Variants in SLC24A2 observed in about 807,000 individuals in gnomAD.
The protein encoded by SLC24A2 is sodium/potassium/calcium exchanger 2.
SLC24A2 carries 36 observed loss-of-function variants against 62.0 expected under a neutral mutation model. The observed-to-expected ratio is 0.58, with a 90% CI of 0.44 to 0.77. The LOEUF (loss-of-function observed/expected upper bound fraction) is 0.77, where lower values mean the gene tolerates loss of function less well. SLC24A2 is among the 30% of genes least tolerant of loss of function. The pLI, the probability that SLC24A2 is intolerant of heterozygous loss-of-function variation, is 0.00. For missense variants in SLC24A2, 846 were observed against 817.9 expected, an observed-to-expected ratio of 1.03 and a Z score of -0.42; for synonymous variants, 358 against 294.0, an observed-to-expected ratio of 1.22 and a Z score of -2.23.
chr9:20,125,529 T>C, the SLC24A2 span, among the ~76,000 whole-genome samples: 1 of 152,172 alleles, frequency 6.6e-6, no homozygotes, highest in South Asian at 2.1e-4. Context: ...ACAAATTTTA[T>C]AGTACAGGGT....
chr9:19,528,159 G>T, intron 8 of SLC24A2, 21 bp from the exon 9 acceptor site: 1 of 1,481,744 alleles, frequency 6.7e-7, no homozygotes, highest in Non-Finnish European at 9.3e-7. Context: ...ACCAGGAAGA[G>T]TTGAGAATAT....
At chr9:19,526,359 T>C (rs957512500) in intron 9 of SLC24A2, among the ~76,000 whole-genome samples, 1 of 152,240 alleles carries the variant, frequency 6.6e-6, no homozygotes, top group Non-Finnish European at 1.5e-5. Context: ...CTCTTAAGCC[T>C]ATTCCTAGGA....
At chr9:19,994,591 A>C in the SLC24A2 span, among the ~76,000 whole-genome samples, 1 of 152,180 alleles carries the variant, frequency 6.6e-6, no homozygotes, top group African/African-American at 2.4e-5. Flanking sequence ...AGCATCACTT[A>C]CCACTCTCAG....
the SLC24A2 span, among the ~76,000 whole-genome samples, chr9:20,291,941 G>C: frequency 6.6e-6 from 1 of 152,130 alleles, no homozygotes; most frequent in Non-Finnish European, 1.5e-5. Context: ...GGAGTGAAGG[G>C]GGCAGGAAGG....
chr9:19,843,078 A>G, the SLC24A2 span, among the ~76,000 whole-genome samples: 33 of 152,314 alleles, frequency 2.2e-4, no homozygotes, highest in African/African-American at 6.3e-4. Flanking sequence ...TCCATGAACA[A>G]TGCTGTCATC....
chr9:19,752,105 C>A lies in SLC24A2; in HGVS notation c.930+33832G>T, dbSNP rs569704332. 4.6e-5 allele frequency among the ~76,000 whole-genome samples: 7 copies of A among 152,190 alleles called. No homozygotes were observed. The South Asian group carries it at 1.2e-3, about 27-fold the overall frequency. On this transcript the variant is annotated intron_variant, in intron 2 of 10. Coordinates refer to ENST00000341998, the MANE Select transcript of SLC24A2 (RefSeq NM_020344.4). ...AAAATGTTCATTTGATGAGTGCTTG[C>A]GACACGTTTGCTTATGTGTCATCAG...
rs773995556 is a variant in SLC24A2, at chr9:19,573,345, C to G, written c.1347+6G>C. 6.3e-7 allele frequency: 1 copy of G among 1,577,008 alleles called. No individual in the cohort carries two copies. Among genetic ancestry groups the G allele is most frequent in the Admixed American group, 1.7e-5 (1 of 59,970 alleles). ...AGCCCAGAAGAGCAATGGAGAAAAG[C>G]CATACCTGGGCTTCTGCACCTTCAA... On this transcript the variant is annotated splice_donor_region_variant and intron_variant, in intron 7 of 10. Transcript: ENST00000341998.
the SLC24A2 span, among the ~76,000 whole-genome samples, chr9:20,075,264 T>C: frequency 6.6e-6 from 1 of 152,132 alleles, no homozygotes; most frequent in Non-Finnish European, 1.5e-5. Flanking sequence ...GTTGAGTGCT[T>C]TACATATTTT....
chr9:19,662,694 TG>T, intron 2 of SLC24A2, among the ~76,000 whole-genome samples: 1 of 152,316 alleles, frequency 6.6e-6, no homozygotes, highest in Non-Finnish European at 1.5e-5. Context: ...TACCTGTGCC[TG>T]GAATGTTCTT....
At chr9:20,256,615 A>T in the SLC24A2 span, among the ~76,000 whole-genome samples, 1 of 152,138 alleles carries the variant, frequency 6.6e-6, no homozygotes, top group Non-Finnish European at 1.5e-5. Context: ...ATGCTCTGCC[A>T]TCAAGCATTA....
At chr9:19,605,509 T>C (rs1369430785) in intron 4 of SLC24A2, among the ~76,000 whole-genome samples, 1 of 152,230 alleles carries the variant, frequency 6.6e-6, no homozygotes, top group African/African-American at 2.4e-5. Context: ...AATGAGAAGC[T>C]GATGAATAGA....
the SLC24A2 span, among the ~76,000 whole-genome samples, chr9:19,852,812 G>A: frequency 1.2e-3 from 168 of 142,054 alleles, 1 homozygote; most frequent in African/African-American, 4.1e-3. Flanking sequence ...CTCTTTTTTG[G>A]TTCCATATGA....
the SLC24A2 span, among the ~76,000 whole-genome samples, chr9:20,193,754 A>G: frequency 2.6e-5 from 4 of 152,138 alleles, no homozygotes; most frequent in Non-Finnish European, 5.9e-5. Flanking sequence ...TCTTAAACAG[A>G]ATATTCTGTG....
the SLC24A2 span, among the ~76,000 whole-genome samples, chr9:20,128,663 A>G: frequency 1.3e-5 from 2 of 152,228 alleles, no homozygotes; most frequent in East Asian, 3.9e-4. Flanking sequence ...TCCTACATTT[A>G]CAGTCAACTG....
chr9:20,201,517 A>C, the SLC24A2 span, among the ~76,000 whole-genome samples: 1 of 152,330 alleles, frequency 6.6e-6, no homozygotes, highest in Non-Finnish European at 1.5e-5. Flanking sequence ...AAAGAAAGAA[A>C]GTGAGAGATT....
At chr9:19,893,782 TC>T in the SLC24A2 span, among the ~76,000 whole-genome samples, 122 of 152,240 alleles carry the variant, frequency 8.0e-4, no homozygotes, top group African/African-American at 2.7e-3. Context: ...AGTTGTATTT[TC>T]CTCTCTCACG....
chr9:20,179,455 A>G, the SLC24A2 span, among the ~76,000 whole-genome samples: 1 of 152,198 alleles, frequency 6.6e-6, no homozygotes, highest in Non-Finnish European at 1.5e-5. Context: ...AAAATATTCA[A>G]ACATCAGCAG....
chr9:19,767,639 C>T (rs1290457951), intron 2 of SLC24A2, among the ~76,000 whole-genome samples: 2 of 152,200 alleles, frequency 1.3e-5, no homozygotes, highest in African/African-American at 4.8e-5. Context: ...CATGCACTGT[C>T]TAACCAGTCC....
chr9:19,895,546 C>CTTTCTTTCTTTT, the SLC24A2 span, among the ~76,000 whole-genome samples: 4 of 135,330 alleles, frequency 3.0e-5, no homozygotes, highest in Non-Finnish European at 4.7e-5. Flanking sequence ...TTCTTTCTTT[C>CTTTCTTTCTTTT]TTTTTTTTTT....
Sources: allele counts gnomAD v4.1 joint callset (sites outside exome capture counted in the v4.1 genomes callset), GRCh38; gene constraint gnomAD v4.1.1; transcripts MANE v1.5; gene names NCBI Gene and HGNC (gene_info 2026-07-23, HGNC 2026-07-21).